SAMD3: variants seen among roughly 807,000 people sequenced by gnomAD.
SAMD3 encodes sterile alpha motif domain-containing protein 3.
Under a neutral mutation model 58.5 loss-of-function variants are expected in SAMD3, and 63 were observed. That is an observed-to-expected ratio of 1.08 (90% CI 0.88 to 1.33). The LOEUF (loss-of-function observed/expected upper bound fraction) is 1.33. Ranked by LOEUF, SAMD3 falls within the 40% of genes most tolerant of loss-of-function variation. The probability of loss-of-function intolerance (pLI) is 0.00; values close to 1 mark genes in which losing one functional copy is unlikely to be tolerated. For missense variants in SAMD3, 604 were observed against 608.4 expected (o/e 0.99, Z 0.08); for synonymous variants, 220 against 210.3 (o/e 1.05, Z -0.40).
intron 2 of SAMD3, among the ~76,000 whole-genome samples, chr6:130,312,392 G>A (rs7760869): frequency 0.17 from 25,345 of 152,146 alleles, 2,317 homozygotes; most frequent in East Asian, 0.36. Context: ...CTTGCTCACC[G>A]TACCGTTACA....
intron 8 of SAMD3, among the ~76,000 whole-genome samples, chr6:130,168,470 T>A (rs1359811704): frequency 6.6e-6 from 1 of 151,990 alleles, no homozygotes; most frequent in African/African-American, 2.4e-5. Flanking sequence ...AAATCCACCT[T>A]CTTTCATTAA....
chr6:130,236,682 A>G (rs1192208596), intron 2 of SAMD3, among the ~76,000 whole-genome samples: 2 of 152,192 alleles, frequency 1.3e-5, no homozygotes, highest in African/African-American at 2.4e-5. Context: ...GCACCAGGCC[A>G]TGATTGACTT....
chr6:130,143,535 TG>T (rs1788379910), downstream of SAMD3, among the ~76,000 whole-genome samples: 1 of 152,138 alleles, frequency 6.6e-6, no homozygotes, highest in South Asian at 2.1e-4. Flanking sequence ...TGAGCCACCG[TG>T]CCCGGCCCAC....
rs566842484 is a variant in SAMD3, at chr6:130,249,963, G to A, written c.-187-27150C>T. Among the ~76,000 whole-genome samples, 100 of 152,242 alleles carry A rather than the reference G, an allele frequency of 6.6e-4. 3 individuals are homozygous for A. The South Asian group carries it at 0.02, about 31-fold the overall frequency. On this transcript the variant is annotated intron_variant, in intron 2 of 13. Transcript: ENST00000368134. ...CTTTATGGTAACAACCTAAAGGAGG[G>A]CTCCCCATTTACAGCATCCAACCCT...
At chr6:130,298,251 A>G (rs1775633853) in intron 2 of SAMD3, among the ~76,000 whole-genome samples, 1 of 152,180 alleles carries the variant, frequency 6.6e-6, no homozygotes. Flanking sequence ...AAGAAAAGAA[A>G]ATGCTGCCAA....
At chr6:130,348,294 A>C (rs1777525741) in intron 1 of SAMD3, among the ~76,000 whole-genome samples, 1 of 152,346 alleles carries the variant, frequency 6.6e-6, no homozygotes, top group South Asian at 2.1e-4. Flanking sequence ...AATTGGATAA[A>C]GAGTCATGAC....
At chr6:130,188,076 A>T (rs1793168880) in intron 5 of SAMD3, among the ~76,000 whole-genome samples, 2 of 152,252 alleles carry the variant, frequency 1.3e-5, no homozygotes, top group African/African-American at 4.8e-5. Context: ...TTATTGTATT[A>T]GGTGCTAATT....
intron 2 of SAMD3, among the ~76,000 whole-genome samples, chr6:130,274,913 T>G (rs1278107336): frequency 6.6e-6 from 1 of 152,172 alleles, no homozygotes; most frequent in Non-Finnish European, 1.5e-5. Flanking sequence ...TTTTTCTTCA[T>G]ACTATGGACT....
intron 2 of SAMD3, among the ~76,000 whole-genome samples, chr6:130,266,765 G>A (rs577050345): frequency 3.2e-4 from 48 of 152,230 alleles, no homozygotes; most frequent in South Asian, 2.1e-4. Flanking sequence ...CCTACTGCCC[G>A]TAAAAACAGG....
intron 8 of SAMD3, among the ~76,000 whole-genome samples, chr6:130,169,807 G>A (rs983537134): frequency 1.3e-5 from 2 of 152,144 alleles, no homozygotes; most frequent in Non-Finnish European, 2.9e-5. Context: ...GTGTCCAGGG[G>A]TGTGACCTCT....
At chr6:130,251,565 G>GA (rs1202632060) in intron 2 of SAMD3, among the ~76,000 whole-genome samples, 1 of 151,960 alleles carries the variant, frequency 6.6e-6, no homozygotes, top group African/African-American at 2.4e-5. Flanking sequence ...ATGAGGTGAG[G>GA]AAAAAATGGA....
chr6:130,228,815 T>C (rs1796458177), intron 2 of SAMD3, among the ~76,000 whole-genome samples: 3 of 152,210 alleles, frequency 2.0e-5, no homozygotes, highest in African/African-American at 7.2e-5. Flanking sequence ...GTGTCTGGGA[T>C]CATTCCCAAG....
intron 5 of SAMD3, among the ~76,000 whole-genome samples, chr6:130,209,014 A>C (rs894468063): frequency 6.6e-6 from 1 of 152,246 alleles, no homozygotes; most frequent in Non-Finnish European, 1.5e-5. Context: ...TGAAATATAC[A>C]TTACGTAAAA....
chr6:130,361,160 A>C (rs1014410630), intron 1 of SAMD3, among the ~76,000 whole-genome samples: 2 of 152,214 alleles, frequency 1.3e-5, no homozygotes, highest in African/African-American at 4.8e-5. Context: ...CAGGCATAGG[A>C]AATCACAAGG....
chr6:130,346,805 G>C (rs182098384), intron 1 of SAMD3, among the ~76,000 whole-genome samples: 1 of 152,208 alleles, frequency 6.6e-6, no homozygotes. Flanking sequence ...TGACCCCTGA[G>C]TAGCTTAACT....
intron 2 of SAMD3, among the ~76,000 whole-genome samples, chr6:130,228,404 G>C (rs1002075402): frequency 2.6e-5 from 4 of 152,112 alleles, no homozygotes; most frequent in Admixed American, 6.5e-5. Flanking sequence ...TGCAGGGCTG[G>C]GCTAACAAAA....
intron 7 of SAMD3, among the ~76,000 whole-genome samples, chr6:130,181,460 CTA>C (rs943604891): frequency 1.3e-5 from 2 of 152,176 alleles, no homozygotes; most frequent in Non-Finnish European, 2.9e-5. Flanking sequence ...TCCTTCTACT[CTA>C]TGAGTGCAAA....
At chr6:130,278,001 A>G (rs1774842217) in intron 2 of SAMD3, among the ~76,000 whole-genome samples, 1 of 152,192 alleles carries the variant, frequency 6.6e-6, no homozygotes, top group African/African-American at 2.4e-5. Flanking sequence ...ATTAGAAATT[A>G]TAGTTTAGGG....
intron 1 of SAMD3, among the ~76,000 whole-genome samples, chr6:130,364,748 C>T (rs1778084940): frequency 6.6e-6 from 1 of 152,036 alleles, no homozygotes; most frequent in Non-Finnish European, 1.5e-5. Flanking sequence ...ACTAAAAGTG[C>T]CCAATCTCTA....
Sources: gnomAD v4.1 joint callset for allele counts (sites outside exome capture counted in the v4.1 genomes callset) on GRCh38, gnomAD v4.1.1 for gene constraint, MANE v1.5 for transcripts, NCBI Gene and HGNC (gene_info 2026-07-23, HGNC 2026-07-21) for gene names.